Variants in ADCYAP1R1 observed in about 807,000 individuals in gnomAD.
ADCYAP1R1 encodes pituitary adenylate cyclase-activating polypeptide type I receptor.
ADCYAP1R1 carries 44 observed loss-of-function variants against 67.6 expected under a neutral mutation model. The ratio of observed to expected loss-of-function variants is 0.65; its 90% CI spans 0.51 to 0.84. The LOEUF (loss-of-function observed/expected upper bound fraction) is 0.84. ADCYAP1R1 is among the 40% of genes least tolerant of loss of function. The pLI, the probability that ADCYAP1R1 is intolerant of heterozygous loss-of-function variation, is 0.00. For missense variants in ADCYAP1R1, 477 were observed against 587.9 expected (o/e 0.81, Z 1.95); for synonymous variants, 222 against 219.6 (o/e 1.01, Z -0.10).
intron 1 of ADCYAP1R1, among the ~76,000 whole-genome samples, chr7:31,056,022 A>G (rs1584468074): frequency 6.6e-6 from 1 of 152,144 alleles, no homozygotes; most frequent in South Asian, 2.1e-4. Flanking sequence ...AGCCCCCTTC[A>G]CCATTCACCC....
intron 9 of ADCYAP1R1, 130 bp downstream of exon 9, chr7:31,085,572 G>C: frequency 9.5e-7 from 1 of 1,055,062 alleles, no homozygotes; most frequent in Non-Finnish European, 1.3e-6. Context: ...TGAAGGCATT[G>C]CCCCACCCCC....
intron 8 of ADCYAP1R1, 123 bp downstream of exon 8, chr7:31,084,957 C>G: frequency 2.1e-6 from 2 of 953,702 alleles, no homozygotes; most frequent in Admixed American, 3.8e-5. Flanking sequence ...GCATTTCTCC[C>G]ACCCCAAGGA....
intron 1 of ADCYAP1R1, among the ~76,000 whole-genome samples, chr7:31,060,933 C>G (rs954986584): frequency 6.6e-6 from 1 of 152,188 alleles, no homozygotes; most frequent in Non-Finnish European, 1.5e-5. Context: ...CACTGCTGCC[C>G]GAACCACAGC....
chr7:31,099,005 C>T (rs930580947), intron 13 of ADCYAP1R1, among the ~76,000 whole-genome samples: 3 of 152,196 alleles, frequency 2.0e-5, no homozygotes, highest in Non-Finnish European at 2.9e-5. Context: ...TAATACAGCT[C>T]ATCATCTATC....
chr7:31,087,060 T>C (rs987619422), intron 11 of ADCYAP1R1, 57 bp downstream of exon 11: 1 of 1,586,566 alleles, frequency 6.3e-7, no homozygotes, highest in African/African-American at 1.3e-5. Flanking sequence ...TACAGATGGG[T>C]TCTCAGTAGC....
At chr7:31,106,106 A>G (rs1041946272) in intron 15 of ADCYAP1R1, among the ~76,000 whole-genome samples, 5 of 152,328 alleles carry the variant, frequency 3.3e-5, no homozygotes, top group Middle Eastern at 3.4e-3. Context: ...CCCCCAGGTA[A>G]TTCTAATGTG....
chr7:31,064,050 G>A (rs1330564949), intron 2 of ADCYAP1R1, among the ~76,000 whole-genome samples: 1 of 152,182 alleles, frequency 6.6e-6, no homozygotes, highest in Non-Finnish European at 1.5e-5. Context: ...TGTCATGATA[G>A]CAGTGCATGG....
At chr7:31,106,103 G>A (rs1291774612) in intron 15 of ADCYAP1R1, among the ~76,000 whole-genome samples, 1 of 152,230 alleles carries the variant, frequency 6.6e-6, no homozygotes, top group African/African-American at 2.4e-5. Context: ...AGCCCCCCAG[G>A]TAATTCTAAT....
At position 31,102,030 on chromosome 7, in the gene ADCYAP1R1, GA is replaced by G. The variant is rs1253890596; in HGVS notation, c.1047-1205del. Among the ~76,000 whole-genome samples the G allele has an allele frequency of 1.3e-5, 2 of 152,152 alleles. No individual in the cohort carries two copies. Among genetic ancestry groups the G allele is most frequent in the Non-Finnish European group, 2.9e-5 (2 of 68,022 alleles). On this transcript the variant is annotated intron_variant, in intron 13 of 15. Transcript: ENST00000304166. The surrounding 1 kb of genome is among the most constrained non-coding windows in gnomAD (Gnocchi z 4.3). Reference sequence around the variant, plus strand: ...TCCTCCTTCCTTCCTTCTCCTCTCTGAATGTAAGCTAGGAAGTCAAGGGCCT... The same window carrying G: ...TCCTCCTTCCTTCCTTCTCCTCTCTGATGTAAGCTAGGAAGTCAAGGGCCT...
At chr7:31,089,833 G>T (rs1038850069) in intron 12 of ADCYAP1R1, among the ~76,000 whole-genome samples, 24 of 152,126 alleles carry the variant, frequency 1.6e-4, no homozygotes, top group African/African-American at 5.6e-4. Context: ...GTGCATTTCT[G>T]GGATAAAACC....
chr7:31,079,094 C>T (rs1562640848), intron 4 of ADCYAP1R1, among the ~76,000 whole-genome samples: 1 of 152,204 alleles, frequency 6.6e-6, no homozygotes, highest in Non-Finnish European at 1.5e-5. Flanking sequence ...GCTCTACCCA[C>T]AGGCAGAAGC....
At position 31,063,291 on chromosome 7, in the gene ADCYAP1R1, G is replaced by A; in HGVS notation, c.27G>A (p.Leu9=). MAGVVHVS[L]AALLLLPMAP... ...TGGCTGGTGTCGTGCACGTTTCCCT[G>A]GCTGCTCTCCTCCTGCTGCCTATGG... The change falls in exon 2 of 16, where the codon CTG becomes CTA. Residue 9 remains leucine, a synonymous_variant. Coordinates refer to ENST00000304166, the MANE Select transcript of ADCYAP1R1 (RefSeq NM_001118.5). The A allele has an allele frequency of 6.2e-7, 1 of 1,614,138 alleles. No individual in the cohort carries two copies. Among genetic ancestry groups the A allele is most frequent in the Non-Finnish European group, 8.5e-7 (1 of 1,180,022 alleles).
At chr7:31,081,531 G>A (rs1795510427) in intron 5 of ADCYAP1R1, among the ~76,000 whole-genome samples, 182 bp from the exon 6 acceptor site, 1 of 152,186 alleles carries the variant, frequency 6.6e-6, no homozygotes, top group Non-Finnish European at 1.5e-5. Flanking sequence ...TGAGAGTGGT[G>A]TTAGAAGGTG....
rs569927999 is a variant in ADCYAP1R1 at position 31,084,987 on chromosome 7, C to T, written c.536+153C>T. Among the ~76,000 whole-genome samples, 3 of 152,342 alleles carry T rather than the reference C, an allele frequency of 2.0e-5. No homozygotes were observed. The South Asian group carries it at 6.2e-4, about 32-fold the overall frequency. On this transcript the variant is annotated intron_variant, in intron 8 of 15. Coordinates refer to ENST00000304166, the MANE Select transcript of ADCYAP1R1 (RefSeq NM_001118.5). ...CAAGGATAACAGATGGGAAACTTCA[C>T]TCCAGAGAGGGCAACTGACTTGTCC...
At chr7:31,062,340 A>C (rs1274346735) in intron 1 of ADCYAP1R1, among the ~76,000 whole-genome samples, 8 of 152,148 alleles carry the variant, frequency 5.3e-5, no homozygotes, top group Non-Finnish European at 1.2e-4. Flanking sequence ...TGCAGCTCTG[A>C]GGCCTGAGCA....
At chr7:31,077,955 G>A (rs770208582) in intron 3 of ADCYAP1R1, 36 bp from the exon 4 acceptor site, 32 of 1,488,974 alleles carry the variant, frequency 2.1e-5, no homozygotes, top group Admixed American at 3.5e-5. Context: ...GGGTGTGTGT[G>A]GCTGGCCCCT....
Position 31,106,845 on chromosome 7 carries a change from G to A in ADCYAP1R1, c.*161G>A, listed in dbSNP as rs1302300895. On this transcript the variant is annotated 3_prime_UTR_variant, in exon 16 of 16. Coordinates refer to ENST00000304166, the MANE Select transcript of ADCYAP1R1 (RefSeq NM_001118.5). The stretch of plus-strand genomic sequence containing the variant: ...AGGAGGCAGGGCACAGACTGGAATT[G>A]TCCCCTCCTTGTTTTGGTACTGGTC... 4.7e-6 allele frequency: 4 copies of A among 845,144 alleles called. No homozygotes were observed. Among genetic ancestry groups the A allele is most frequent in the Non-Finnish European group, 7.0e-6 (4 of 568,748 alleles). 52.4% of individuals were successfully genotyped at this position (845,144 alleles called of 1,614,324 possible). A position where few individuals can be genotyped will look rare whatever the true frequency, so the allele number is the denominator to read the frequency against.
intron 3 of ADCYAP1R1, among the ~76,000 whole-genome samples, chr7:31,068,088 G>A (rs1050468921): frequency 5.9e-5 from 9 of 152,150 alleles, no homozygotes; most frequent in Non-Finnish European, 8.8e-5. Flanking sequence ...GGAGAGAAGC[G>A]TTCCGCTGGG....
chr7:31,073,271 A>G (rs1412649411), intron 3 of ADCYAP1R1, among the ~76,000 whole-genome samples: 11 of 152,134 alleles, frequency 7.2e-5, no homozygotes, highest in South Asian at 2.1e-4. Flanking sequence ...GGCCCTTTCT[A>G]TTCACTCTTG....
Sources: gnomAD v4.1 joint callset for allele counts (sites outside exome capture counted in the v4.1 genomes callset) on GRCh38, gnomAD v4.1.1 for gene constraint, Gnocchi (gnomAD v3.1) non-coding constraint, MANE v1.5 for transcripts, NCBI Gene and HGNC (gene_info 2026-07-23, HGNC 2026-07-21) for gene names.